The following GRIK3 variants were observed in gnomAD, a reference collection of about 807,000 sequenced individuals.
GRIK3 encodes glutamate receptor ionotropic, kainate 3.
Under a neutral mutation model 102.5 loss-of-function variants are expected in GRIK3, and 29 were observed. The observed-to-expected ratio is 0.28, with a 90% CI of 0.21 to 0.39. The LOEUF is 0.39. Among genes scored for constraint, GRIK3 ranks in the 10% least tolerant of loss-of-function variants. The pLI is 1.00. For synonymous variants in GRIK3, 511 were observed against 504.9 expected (o/e 1.01, Z -0.16); for missense variants, 908 against 1,252.4 (o/e 0.73, Z 4.15).
At chr1:37,005,222 G>T (rs572551858) in intron 1 of GRIK3, among the ~76,000 whole-genome samples, 1 of 152,278 alleles carries the variant, frequency 6.6e-6, no homozygotes, top group Admixed American at 6.5e-5. Flanking sequence ...CCAGATGCCA[G>T]CCTCTTTGGA....
At chr1:36,841,601 G>A (rs1437380654) in intron 10 of GRIK3, 135 bp downstream of exon 10, 3 of 738,122 alleles carry the variant, frequency 4.1e-6, no homozygotes, top group African/African-American at 3.5e-5. Context: ...CAGTCCTCAA[G>A]GTTGCAGCAT....
chr1:36,972,845 C>T (rs543329977), intron 1 of GRIK3, among the ~76,000 whole-genome samples: 17 of 152,272 alleles, frequency 1.1e-4, no homozygotes, highest in African/African-American at 4.1e-4. Flanking sequence ...TTTCTCTCTA[C>T]TAGACTAGGG....
At chr1:37,000,271 C>A (rs1642463219) in intron 1 of GRIK3, among the ~76,000 whole-genome samples, 1 of 152,256 alleles carries the variant, frequency 6.6e-6, no homozygotes, top group Non-Finnish European at 1.5e-5. Flanking sequence ...TTATTACCTT[C>A]ATCACATACA....
chr1:36,844,141 C>T (rs928408534), intron 9 of GRIK3, among the ~76,000 whole-genome samples: 1 of 152,178 alleles, frequency 6.6e-6, no homozygotes, highest in Non-Finnish European at 1.5e-5. Context: ...TCCACTGGAG[C>T]TTTTCAACAG....
chr1:36,927,899 G>T (rs976715063), intron 1 of GRIK3, among the ~76,000 whole-genome samples: 6 of 152,066 alleles, frequency 3.9e-5, no homozygotes, highest in African/African-American at 1.2e-4. Flanking sequence ...CTGATTTCAC[G>T]GATTTAAGAA....
At chr1:36,829,720 T>C (rs934263605) in intron 10 of GRIK3, among the ~76,000 whole-genome samples, 3 of 152,156 alleles carry the variant, frequency 2.0e-5, no homozygotes, top group South Asian at 2.1e-4. Flanking sequence ...TATCCTTGCA[T>C]GAGGTCACCT....
rs1220169702 is a variant in GRIK3, at chr1:36,796,818, TC to T, written c.*5032del. 3 of 152,116 alleles carry T rather than the reference TC, an allele frequency of 2.0e-5. No individual in the cohort carries two copies. Among genetic ancestry groups the T allele is most frequent in the African/African-American group, 7.2e-5 (3 of 41,410 alleles). 9.4% of individuals were successfully genotyped at this position (152,116 alleles called of 1,614,324 possible). ...ATGGAGCCTGAAACCTACCTGTGAT[TC>T]TGCAGGCAGGTGTGAGAACAGGCCT... On this transcript the variant is annotated 3_prime_UTR_variant, in exon 16 of 16. Transcript: ENST00000373091.
chr1:36,899,112 A>G (rs1231600305), intron 1 of GRIK3, among the ~76,000 whole-genome samples: 1 of 152,192 alleles, frequency 6.6e-6, no homozygotes, highest in African/African-American at 2.4e-5. Flanking sequence ...GCTTCATGAG[A>G]TTGAATTTGG....
At chr1:36,849,976 G>A (rs1048838614) in intron 9 of GRIK3, 1 of 243,512 alleles carries the variant, frequency 4.1e-6, no homozygotes, top group Non-Finnish European at 8.0e-6. Context: ...GCTTTTGCCT[G>A]GGAACTGGGG....
intron 3 of GRIK3, among the ~76,000 whole-genome samples, chr1:36,876,222 GTGGTA>G (rs1640911099): frequency 6.6e-6 from 1 of 152,158 alleles, no homozygotes; most frequent in South Asian, 2.1e-4. Flanking sequence ...GCAGGGCATG[GTGGTA>G]TGTTCCTGGG....
intron 1 of GRIK3, among the ~76,000 whole-genome samples, chr1:36,995,865 C>T (rs1642414298): frequency 6.6e-6 from 1 of 152,204 alleles, no homozygotes; most frequent in Non-Finnish European, 1.5e-5. Context: ...CACTTCCTCC[C>T]AAGTTCTCAT....
Position 37,034,356 on chromosome 1 carries a change from C to CCGGACTCCGCT in GRIK3, c.-259_-249dup, listed in dbSNP as rs1642864685. Among the ~76,000 whole-genome samples, 1 of 150,522 alleles carries CCGGACTCCGCT rather than the reference C, an allele frequency of 6.6e-6. No individual in the cohort carries two copies. Among genetic ancestry groups the CCGGACTCCGCT allele is most frequent in the Non-Finnish European group, 1.5e-5 (1 of 67,454 alleles). ...CGCGAGCGAGGCTCCTGGGCTCCGC[C>CCGGACTCCGCT]CGGACTCCGCTCGGACTCGGCTCCG... On this transcript the variant is annotated 5_prime_UTR_variant, in exon 1 of 16. Coordinates refer to ENST00000373091, the MANE Select transcript of GRIK3 (RefSeq NM_000831.4).
chr1:36,968,512 A>T (rs973434463), intron 1 of GRIK3, among the ~76,000 whole-genome samples: 5 of 152,140 alleles, frequency 3.3e-5, no homozygotes, highest in Non-Finnish European at 7.4e-5. Context: ...CCTCTTTCCA[A>T]ACAAGCTTTG....
chr1:36,830,359 C>G (rs1453622461), intron 10 of GRIK3, among the ~76,000 whole-genome samples: 1 of 148,218 alleles, frequency 6.7e-6, no homozygotes, highest in Admixed American at 6.7e-5. Context: ...TTGAATTATG[C>G]CCCCCCACCC....
intron 1 of GRIK3, among the ~76,000 whole-genome samples, chr1:36,975,288 G>GTTTTTTTTTTTTTTTTTTTTTTTT (rs61125066): frequency 2.6e-5 from 3 of 113,350 alleles, no homozygotes; most frequent in African/African-American, 1.1e-4. Context: ...TCTAAAGTTG[G>GTTTTTTTTTTTTTTTTTTTTTTTT]TTTTTTTTTT....
intron 1 of GRIK3, among the ~76,000 whole-genome samples, chr1:37,011,267 G>C (rs546824716): frequency 3.3e-5 from 5 of 152,326 alleles, no homozygotes; most frequent in African/African-American, 1.2e-4. Context: ...TTCTTGTCTT[G>C]TAACATTGTT....
chr1:36,891,703 G>C (rs1388530305), intron 1 of GRIK3, among the ~76,000 whole-genome samples: 3 of 152,250 alleles, frequency 2.0e-5, no homozygotes, highest in Non-Finnish European at 4.4e-5. Flanking sequence ...AGGCATGGGG[G>C]AGGATTTGCA....
At chr1:36,940,009 T>G (rs1007304393) in intron 1 of GRIK3, among the ~76,000 whole-genome samples, 4 of 152,186 alleles carry the variant, frequency 2.6e-5, no homozygotes, top group African/African-American at 9.7e-5. Flanking sequence ...TTCTCGGAGC[T>G]GGGTACACAG....
At chr1:36,988,023 G>A (rs898101892) in intron 1 of GRIK3, among the ~76,000 whole-genome samples, 2 of 151,970 alleles carry the variant, frequency 1.3e-5, no homozygotes, top group Non-Finnish European at 2.9e-5. Context: ...GAGTATGGTG[G>A]CTCATGCCTG....
Sources: gnomAD v4.1 joint callset for allele counts (sites outside exome capture counted in the v4.1 genomes callset) on GRCh38, gnomAD v4.1.1 for gene constraint, MANE v1.5 for transcripts, NCBI Gene and HGNC (gene_info 2026-07-23, HGNC 2026-07-21) for gene names.